KIF6: variants seen among roughly 807,000 people sequenced by gnomAD.
KIF6 encodes the protein kinesin-like protein KIF6.
A neutral mutation model predicts 112.7 loss-of-function variants in KIF6; 106 were observed. The observed-to-expected ratio is 0.94, with a 90% confidence interval of 0.80 to 1.11. The LOEUF is 1.11. Among genes scored for constraint, KIF6 ranks in the 50% least tolerant of loss-of-function variants. The pLI, the probability that KIF6 is intolerant of heterozygous loss-of-function variation, is 0.00. For synonymous variants in KIF6, 339 were observed against 339.9 expected (o/e 1.00, Z 0.03); for missense variants, 929 against 964.0 (o/e 0.96, Z 0.48).
chr6:39,486,544 C>T (rs2150467180), intron 13 of KIF6, among the ~76,000 whole-genome samples: 1 of 152,326 alleles, frequency 6.6e-6, no homozygotes, highest in Non-Finnish European at 1.5e-5. Flanking sequence ...CTTTATACCA[C>T]CAAGTTTTGG....
intron 13 of KIF6, among the ~76,000 whole-genome samples, chr6:39,535,404 G>A (rs1297020699): frequency 6.6e-6 from 1 of 151,864 alleles, no homozygotes; most frequent in Non-Finnish European, 1.5e-5. Flanking sequence ...AAAGGCAGGG[G>A]TTGCAATCCT....
intron 13 of KIF6, among the ~76,000 whole-genome samples, chr6:39,527,486 C>T (rs1582054532): frequency 6.6e-6 from 1 of 152,118 alleles, no homozygotes; most frequent in East Asian, 1.9e-4. Context: ...ACCATAGCCC[C>T]TTCTGCTTTG....
chr6:39,646,169 C>T (rs551593624), intron 3 of KIF6, among the ~76,000 whole-genome samples: 1 of 110,618 alleles, frequency 9.0e-6, no homozygotes, highest in African/African-American at 5.5e-5. Context: ...GAAAATGGAG[C>T]CTCAGAGAGG....
At chr6:39,665,032 T>C (rs1470883828) in intron 3 of KIF6, among the ~76,000 whole-genome samples, 1 of 152,162 alleles carries the variant, frequency 6.6e-6, no homozygotes, top group African/African-American at 2.4e-5. Flanking sequence ...AGTATGAAGT[T>C]ATGAGCATAT....
intron 2 of KIF6, chr6:39,718,707 G>C (rs1480889070): frequency 6.7e-6 from 1 of 149,886 alleles, no homozygotes; most frequent in Admixed American, 6.7e-5. Context: ...CTGTACTCCA[G>C]CCTGGGTGAC....
At chr6:39,718,277 G>A (rs1385198727) in intron 2 of KIF6, 2 of 142,526 alleles carry the variant, frequency 1.4e-5, no homozygotes, top group Non-Finnish European at 3.1e-5. Context: ...AGGGTCCATA[G>A]ATAAAGACAT....
intron 9 of KIF6, chr6:39,583,360 C>T (rs1186477438): frequency 2.1e-6 from 1 of 470,334 alleles, no homozygotes; most frequent in East Asian, 6.9e-5. Flanking sequence ...ATGCTGTCTC[C>T]TCTCTCCAGC....
At chr6:39,601,815 T>A (rs980146424) in intron 6 of KIF6, among the ~76,000 whole-genome samples, 8 of 152,088 alleles carry the variant, frequency 5.3e-5, no homozygotes, top group African/African-American at 1.9e-4. Context: ...ATCTTGGTCT[T>A]TTTGTCAATT....
intron 3 of KIF6, among the ~76,000 whole-genome samples, chr6:39,651,304 A>T (rs897864964): frequency 6.6e-6 from 1 of 152,266 alleles, no homozygotes; most frequent in Admixed American, 6.5e-5. Flanking sequence ...AGTAGGGGAG[A>T]CAGGCATAGA....
chr6:39,639,092 C>G (rs969888022), intron 4 of KIF6, among the ~76,000 whole-genome samples: 1 of 152,052 alleles, frequency 6.6e-6, no homozygotes, highest in Admixed American at 6.6e-5. Flanking sequence ...ACTGATAAAG[C>G]TACTGGCATT....
chr6:39,405,166 G>C (rs937827468), intron 15 of KIF6, among the ~76,000 whole-genome samples: 2 of 152,020 alleles, frequency 1.3e-5, no homozygotes, highest in African/African-American at 4.8e-5. Flanking sequence ...TGTGAACAGG[G>C]ACAGCTTTAC....
At chr6:39,355,554 C>A (rs1295421539) in intron 19 of KIF6, among the ~76,000 whole-genome samples, 1 of 147,904 alleles carries the variant, frequency 6.8e-6, no homozygotes, top group Non-Finnish European at 1.5e-5. Context: ...ACCTCCACCT[C>A]TTGGGTTCCA....
chr6:39,561,357 A>T (rs1019534690), intron 10 of KIF6, among the ~76,000 whole-genome samples: 1 of 147,600 alleles, frequency 6.8e-6, no homozygotes, highest in Non-Finnish European at 1.5e-5. Context: ...AACTCAAACC[A>T]TTTTTTTTTT....
chr6:39,666,363 C>T (rs1455013913), intron 3 of KIF6, among the ~76,000 whole-genome samples: 1 of 152,080 alleles, frequency 6.6e-6, no homozygotes, highest in East Asian at 1.9e-4. Flanking sequence ...CATATCAGTT[C>T]TAGAATTTTA....
At chr6:39,576,076 T>C (rs1169313757) in intron 10 of KIF6, among the ~76,000 whole-genome samples, 1 of 152,162 alleles carries the variant, frequency 6.6e-6, no homozygotes. Flanking sequence ...ACCCTTAAAC[T>C]AAGCCTCCTG....
rs375460296 is a variant in KIF6 at position 39,702,845 on chromosome 6, G to A, written c.251+11847C>T. ...ATCTAATTTAATTATTTTCCTCTGA[G>A]AACGGCTACACTGAATGAAGAAATT... On this transcript the variant is annotated intron_variant, in intron 3 of 22. Transcript: ENST00000287152. 3.2e-4 allele frequency among the ~76,000 whole-genome samples: 48 copies of A among 152,044 alleles called. No individual in the cohort carries two copies. In the East Asian group the frequency reaches 7.6e-3, roughly 24 times the overall value.
At chr6:39,355,798 TA>T (rs1365097447) in intron 19 of KIF6, among the ~76,000 whole-genome samples, 30 of 146,752 alleles carry the variant, frequency 2.0e-4, no homozygotes, top group Non-Finnish European at 4.1e-4. Context: ...TTTTTTTTTT[TA>T]AAGAATAGTT....
chr6:39,618,033 C>CT (rs1352729368), intron 5 of KIF6, among the ~76,000 whole-genome samples: 1 of 152,192 alleles, frequency 6.6e-6, no homozygotes, highest in Admixed American at 6.5e-5. Flanking sequence ...AAGGTGACCC[C>CT]TCCTTTCTGC....
intron 3 of KIF6, among the ~76,000 whole-genome samples, chr6:39,644,759 C>G (rs1418652098): frequency 6.6e-6 from 1 of 152,036 alleles, no homozygotes; most frequent in Non-Finnish European, 1.5e-5. Flanking sequence ...GATGGTGGCA[C>G]ATTTGTACTA....
Sources: gnomAD v4.1 joint callset for allele counts (sites outside exome capture counted in the v4.1 genomes callset) on GRCh38, gnomAD v4.1.1 for gene constraint, MANE v1.5 for transcripts, NCBI Gene and HGNC (gene_info 2026-07-23, HGNC 2026-07-21) for gene names.